PALS2: variants seen among roughly 807,000 people sequenced by gnomAD.
PALS2 encodes protein PALS2.
PALS2 carries 27 observed loss-of-function variants against 61.6 expected under a neutral mutation model. The observed-to-expected ratio is 0.44, with a 90% CI of 0.32 to 0.60. PALS2 has a LOEUF of 0.60. Ranked by LOEUF, PALS2 falls within the 20% of genes least tolerant of loss-of-function variation. The pLI, the probability that PALS2 is intolerant of heterozygous loss-of-function variation, is 0.05. For synonymous variants in PALS2, 236 were observed against 218.6 expected (o/e 1.08, Z -0.70); for missense variants, 554 against 639.4 (o/e 0.87, Z 1.44).
At chr7:24,578,969 T>C (rs1782738529) in intron 1 of PALS2, among the ~76,000 whole-genome samples, 1 of 152,170 alleles carries the variant, frequency 6.6e-6, no homozygotes, top group Non-Finnish European at 1.5e-5. Flanking sequence ...ATAAAATATA[T>C]ACAAAAAGGA....
intron 1 of PALS2, among the ~76,000 whole-genome samples, chr7:24,600,537 A>C: frequency 6.6e-6 from 1 of 152,158 alleles, no homozygotes; most frequent in East Asian, 1.9e-4. Flanking sequence ...CCAGTTTCTT[A>C]TGAGAATGGA....
At chr7:24,648,545 C>T (rs538639408) in intron 3 of PALS2, among the ~76,000 whole-genome samples, 10 of 151,960 alleles carry the variant, frequency 6.6e-5, no homozygotes, top group East Asian at 1.9e-4. Context: ...CCACCTGCCT[C>T]GGCCTCCCAA....
intron 11 of PALS2, among the ~76,000 whole-genome samples, chr7:24,681,131 C>G (rs936889424): frequency 6.6e-6 from 1 of 152,010 alleles, no homozygotes; most frequent in Non-Finnish European, 1.5e-5. Flanking sequence ...GCTCCGAGAT[C>G]ATTAACAGGC....
At chr7:24,647,337 C>T (rs1387755719) in intron 3 of PALS2, among the ~76,000 whole-genome samples, 2 of 151,960 alleles carry the variant, frequency 1.3e-5, no homozygotes, top group Admixed American at 1.3e-4. Flanking sequence ...TTAGTAGAGA[C>T]AGTGTTTCAC....
rs994687873 is a variant in PALS2 at position 24,666,086 on chromosome 7, G to T, written c.949G>T (p.Ala317Ser). The change falls in exon 8 of 12, where the codon GCA (alanine) becomes TCA (serine). Residue 317 changes from alanine (A) to serine (S), a missense_variant. Ala to Ser is a moderately conservative substitution (Grantham distance 99). Transcript: ENST00000222644. The part of the protein sequence containing the change: ...KKMMYLTTRN[A>S]EFDRHEIQIY... ...GATGATGTATCTCACAACCAGAAAT[G>T]CAGGTAGGTTTTAAATACTTTTTGA... 5 of 1,609,662 alleles carry T rather than the reference G, an allele frequency of 3.1e-6. No homozygotes were observed. The highest frequency in any genetic ancestry group is 1.7e-4 in the Middle Eastern group (1 of 5,900).
chr7:24,619,732 A>G (rs552955309), intron 1 of PALS2, among the ~76,000 whole-genome samples: 108 of 151,600 alleles, frequency 7.1e-4, no homozygotes, highest in African/African-American at 2.1e-3. Flanking sequence ...AAAAAAAAAA[A>G]AAAGAAAGAA....
At chr7:24,624,026 T>G in intron 2 of PALS2, 1 of 1,286,196 alleles carries the variant, frequency 7.8e-7, no homozygotes. Flanking sequence ...CTTTAAGGTT[T>G]AGAGAAATCA....
chr7:24,613,622 G>A (rs747016239), intron 1 of PALS2, among the ~76,000 whole-genome samples: 3 of 151,696 alleles, frequency 2.0e-5, no homozygotes, highest in Non-Finnish European at 3.0e-5. Context: ...CTCTTCAGCC[G>A]CTTGAAAATG....
At chr7:24,586,701 A>AT (rs1783077870) in intron 1 of PALS2, among the ~76,000 whole-genome samples, 1 of 152,182 alleles carries the variant, frequency 6.6e-6, no homozygotes, top group African/African-American at 2.4e-5. Context: ...CATTAAAATG[A>AT]TTTTTTAACA....
chr7:24,642,564 A>C (rs1421177904), intron 3 of PALS2, among the ~76,000 whole-genome samples: 2 of 152,130 alleles, frequency 1.3e-5, no homozygotes, highest in Non-Finnish European at 2.9e-5. Context: ...GGGACACTGC[A>C]TTTTCGTGGA....
intron 2 of PALS2, among the ~76,000 whole-genome samples, chr7:24,640,831 A>AC (rs1785500512): frequency 1.3e-5 from 2 of 151,876 alleles, no homozygotes; most frequent in South Asian, 4.2e-4. Context: ...ACATGGTGAA[A>AC]CCCTGTCTCT....
intron 1 of PALS2, among the ~76,000 whole-genome samples, chr7:24,595,597 A>G (rs1044032582): frequency 7.1e-5 from 10 of 141,214 alleles, no homozygotes; most frequent in African/African-American, 2.3e-4. Context: ...AAATATATAT[A>G]TATTTGAATG....
chr7:24,640,726 C>A (rs569080718), intron 2 of PALS2, among the ~76,000 whole-genome samples: 1 of 151,532 alleles, frequency 6.6e-6, no homozygotes, highest in South Asian at 2.1e-4. Context: ...GAATTACTTT[C>A]GGCCGAGGGC....
At chr7:24,672,490 C>G (rs980535879) in intron 9 of PALS2, among the ~76,000 whole-genome samples, 5 of 152,050 alleles carry the variant, frequency 3.3e-5, no homozygotes, top group African/African-American at 1.2e-4. Flanking sequence ...CTTAGCCTCC[C>G]AAAGTGCTGG....
chr7:24,659,119 C>A (rs1786582351), intron 5 of PALS2, among the ~76,000 whole-genome samples: 1 of 152,164 alleles, frequency 6.6e-6, no homozygotes. Flanking sequence ...GTTTTCTGTT[C>A]CTGCATTAAT....
At chr7:24,654,336 G>A (rs1786308644) in intron 5 of PALS2, among the ~76,000 whole-genome samples, 1 of 151,946 alleles carries the variant, frequency 6.6e-6, no homozygotes, top group East Asian at 1.9e-4. Context: ...TGGAAAGGAG[G>A]CAATAAAACT....
chr7:24,606,995 G>A (rs187133660), intron 1 of PALS2, among the ~76,000 whole-genome samples: 10 of 152,224 alleles, frequency 6.6e-5, no homozygotes, highest in Non-Finnish European at 1.0e-4. Flanking sequence ...GACCTGTCAC[G>A]TGAGGTCAGG....
intron 1 of PALS2, among the ~76,000 whole-genome samples, chr7:24,587,421 C>T (rs777614592): frequency 6.6e-6 from 1 of 151,842 alleles, no homozygotes; most frequent in Non-Finnish European, 1.5e-5. Flanking sequence ...CCTCTGTCAC[C>T]CAGTCGAGTA....
intron 1 of PALS2, among the ~76,000 whole-genome samples, chr7:24,608,659 T>G (rs921213620): frequency 2.0e-5 from 3 of 152,228 alleles, no homozygotes; most frequent in African/African-American, 7.2e-5. Context: ...TGTTACCTAG[T>G]AGCACAGTCA....
Sources: allele counts gnomAD v4.1 joint callset (sites outside exome capture counted in the v4.1 genomes callset), GRCh38; gene constraint gnomAD v4.1.1; transcripts MANE v1.5; gene names NCBI Gene and HGNC (gene_info 2026-07-23, HGNC 2026-07-21).